Variants in C12orf42 observed in about 807,000 individuals in gnomAD.
C12orf42 encodes uncharacterized protein C12orf42.
Under a neutral mutation model 21.6 loss-of-function variants are expected in C12orf42, and 25 were observed. The ratio of observed to expected loss-of-function variants is 1.16; its 90% confidence interval spans 0.84 to 1.62. The LOEUF (loss-of-function observed/expected upper bound fraction) is 1.62. Ranked by LOEUF, C12orf42 falls within the 40% of genes most tolerant of loss-of-function variation. The pLI is 0.00. For synonymous variants in C12orf42, 174 were observed against 175.0 expected, an observed-to-expected ratio of 0.99 and a Z score of 0.05; for missense variants, 483 against 459.3, an observed-to-expected ratio of 1.05 and a Z score of -0.47.
At chr12:103,532,265 C>T in the C12orf42 span, among the ~76,000 whole-genome samples, 4 of 151,994 alleles carry the variant, frequency 2.6e-5, no homozygotes, top group Non-Finnish European at 5.9e-5. Context: ...ACCGTGCAGC[C>T]GTGAAAAACC....
At chr12:103,298,510 C>T (rs1393371974), downstream of C12orf42, among the ~76,000 whole-genome samples, 4 of 152,114 alleles carry the variant, frequency 2.6e-5, no homozygotes, top group Non-Finnish European at 2.9e-5. Context: ...GAATCAATAT[C>T]GTGAAAATGG....
At chr12:103,415,854 T>C (rs2049271857) in intron 2 of C12orf42, among the ~76,000 whole-genome samples, 1 of 152,198 alleles carries the variant, frequency 6.6e-6, no homozygotes, top group African/African-American at 2.4e-5. Context: ...GATGGTGTTT[T>C]CTTGTGGAGA....
At chr12:103,354,648 A>G (rs963952146) in intron 4 of C12orf42, among the ~76,000 whole-genome samples, 1 of 152,178 alleles carries the variant, frequency 6.6e-6, no homozygotes, top group Admixed American at 6.6e-5. Context: ...GTAAATGCAT[A>G]TAAAATTATA....
intron 2 of C12orf42, among the ~76,000 whole-genome samples, chr12:103,445,679 C>T (rs112411264): frequency 0.014 from 2,156 of 152,008 alleles, 75 homozygotes; most frequent in African/African-American, 0.049. Context: ...ATTGCAAATA[C>T]TCTCTCCCAT....
At chr12:103,204,134 A>G in the C12orf42 span, among the ~76,000 whole-genome samples, 1 of 152,162 alleles carries the variant, frequency 6.6e-6, no homozygotes. Context: ...ACAGGGGAAA[A>G]GGAAATTCAC....
chr12:103,543,687 T>C, the C12orf42 span, among the ~76,000 whole-genome samples: 2 of 152,188 alleles, frequency 1.3e-5, no homozygotes, highest in Non-Finnish European at 2.9e-5. Context: ...TGTGATGTAG[T>C]TAATTCTGTC....
At chr12:103,412,738 A>G (rs907218694) in intron 2 of C12orf42, among the ~76,000 whole-genome samples, 1 of 152,136 alleles carries the variant, frequency 6.6e-6, no homozygotes, top group Non-Finnish European at 1.5e-5. Context: ...CATTTTTCAT[A>G]TATTTATTGG....
At chr12:103,466,598 C>T (rs180904266) in intron 2 of C12orf42, among the ~76,000 whole-genome samples, 6 of 152,094 alleles carry the variant, frequency 3.9e-5, no homozygotes, top group Admixed American at 2.0e-4. Flanking sequence ...CTCCATCTTC[C>T]TCTCTTCCTC....
chr12:103,358,372 A>G (rs1046259941), intron 4 of C12orf42, among the ~76,000 whole-genome samples: 1 of 152,106 alleles, frequency 6.6e-6, no homozygotes, highest in African/African-American at 2.4e-5. Context: ...CAGGGATATG[A>G]GATGACTGGA....
chr12:103,282,682 T>G (rs2036210001), intron 4 of C12orf42, among the ~76,000 whole-genome samples: 1 of 152,166 alleles, frequency 6.6e-6, no homozygotes, highest in Admixed American at 6.5e-5. Flanking sequence ...ATTATGGTGA[T>G]TTGTACAATG....
In C12orf42 at chr12:103,440,382, C is replaced by T. The variant is rs1592824498; in HGVS notation, c.78+37967G>A. On this transcript the variant is annotated intron_variant, in intron 2 of 5. Transcript: ENST00000548883. ...ATGTAACTAACCTGCACAATGTGCACATGTACGCTAAAACTTAAAGTATAA... is the reference window on the plus strand; with the variant it reads ...ATGTAACTAACCTGCACAATGTGCATATGTACGCTAAAACTTAAAGTATAA... Among the ~76,000 whole-genome samples the T allele has an allele frequency of 3.0e-5, 4 of 131,574 alleles. No individual in the cohort carries two copies. In the South Asian group the frequency reaches 1.0e-3, roughly 33 times the overall value. The allele number at this position is 131,574 out of a possible 152,430, so 86.3% of individuals were successfully genotyped here.
the C12orf42 span, among the ~76,000 whole-genome samples, chr12:103,177,947 T>G: frequency 6.6e-6 from 1 of 152,164 alleles, no homozygotes; most frequent in South Asian, 2.1e-4. Flanking sequence ...AGGGAAAGTT[T>G]TGCAGAAAAG....
At chr12:103,369,133 T>C (rs558871188) in intron 3 of C12orf42, 135 bp from the exon 4 acceptor site, 2 of 550,234 alleles carry the variant, frequency 3.6e-6, no homozygotes, top group African/African-American at 1.9e-5. Context: ...ATTCTTTAAA[T>C]GAAACAATCC....
chr12:103,551,449 C>T, the C12orf42 span, among the ~76,000 whole-genome samples: 7 of 152,020 alleles, frequency 4.6e-5, no homozygotes, highest in East Asian at 3.9e-4. Context: ...GCTAGGAGTT[C>T]GAGGCTGCAG....
At chr12:103,094,181 C>G in the C12orf42 span, among the ~76,000 whole-genome samples, 2 of 152,176 alleles carry the variant, frequency 1.3e-5, no homozygotes, top group Admixed American at 6.5e-5. Flanking sequence ...CCATTACATC[C>G]TTGGTTTCTC....
At chr12:103,526,134 C>T in the C12orf42 span, among the ~76,000 whole-genome samples, 3 of 152,184 alleles carry the variant, frequency 2.0e-5, no homozygotes, top group African/African-American at 7.2e-5. Context: ...TCAACTATTC[C>T]GAGCTTTCAA....
At chr12:103,183,187 T>C in the C12orf42 span, among the ~76,000 whole-genome samples, 1 of 152,216 alleles carries the variant, frequency 6.6e-6, no homozygotes, top group Non-Finnish European at 1.5e-5. Context: ...GTTCAACAGA[T>C]TCTCCTGCCT....
At chr12:103,318,332 G>A (rs1212437401) in intron 4 of C12orf42, among the ~76,000 whole-genome samples, 1 of 152,062 alleles carries the variant, frequency 6.6e-6, no homozygotes, top group African/African-American at 2.4e-5. Context: ...GAACACCCTT[G>A]TATATGTCTT....
At chr12:103,479,218 C>T (rs1183738503) in intron 1 of C12orf42, among the ~76,000 whole-genome samples, 1 of 152,234 alleles carries the variant, frequency 6.6e-6, no homozygotes, top group African/African-American at 2.4e-5. Flanking sequence ...AAGACCTAAT[C>T]TCTAAGTCTC....
Sources: allele counts gnomAD v4.1 joint callset (sites outside exome capture counted in the v4.1 genomes callset), GRCh38; gene constraint gnomAD v4.1.1; transcripts MANE v1.5; gene names NCBI Gene and HGNC (gene_info 2026-07-23, HGNC 2026-07-21).